The following TEX10 variants were observed in gnomAD, a reference collection of about 807,000 sequenced individuals.
The protein encoded by TEX10 is testis-expressed protein 10.
In TEX10, 24 loss-of-function variants were observed where a neutral mutation model predicts 104.4. That is an observed-to-expected ratio of 0.23 (90% CI 0.17 to 0.32). The LOEUF is 0.32. TEX10 is among the 10% of genes least tolerant of loss of function. The pLI is 1.00. For synonymous variants in TEX10, 396 were observed against 393.4 expected, an observed-to-expected ratio of 1.01 and a Z score of -0.08; for missense variants, 921 against 1,083.9, an observed-to-expected ratio of 0.85 and a Z score of 2.11.
rs150675934 is a variant in TEX10 at position 100,311,259 on chromosome 9, G to A, written c.2203-880C>T. ...AAAAAAAAAAAGTTGGCCAGATGTGGTAGCACATGCTTGTGGTACCAGCTA... is the reference window on the plus strand; with the variant it reads ...AAAAAAAAAAAGTTGGCCAGATGTGATAGCACATGCTTGTGGTACCAGCTA... On this transcript the variant is annotated intron_variant, in intron 11 of 14. Transcript: ENST00000374902. Among the ~76,000 whole-genome samples, 538 of 152,184 alleles carry A rather than the reference G, an allele frequency of 3.5e-3. 3 individuals are homozygous for A. Among genetic ancestry groups the A allele is most frequent in the African/African-American group, 0.012 (507 of 41,510 alleles).
chr9:100,351,499 G>A (rs986610848), intron 1 of TEX10, among the ~76,000 whole-genome samples: 2 of 152,032 alleles, frequency 1.3e-5, no homozygotes, highest in African/African-American at 4.8e-5. Flanking sequence ...AATTAAGCAA[G>A]CACACTTTGT....
At chr9:100,328,867 G>T (rs1416878735) in intron 7 of TEX10, among the ~76,000 whole-genome samples, 1 of 152,186 alleles carries the variant, frequency 6.6e-6, no homozygotes, top group East Asian at 1.9e-4. Context: ...AAGAGAAAGG[G>T]CTGAGGTTGT....
chr9:100,339,651 T>C (rs1354084429), intron 5 of TEX10, among the ~76,000 whole-genome samples: 5 of 152,108 alleles, frequency 3.3e-5, no homozygotes, highest in Admixed American at 6.6e-5. Context: ...TGTATGCTCA[T>C]TTACGGGAAC....
At position 100,346,095 on chromosome 9, in the gene TEX10, G is replaced by T; in HGVS notation, c.1114C>A (p.Gln372Lys). 6.2e-7 allele frequency: 1 copy of T among 1,613,794 alleles called. No homozygotes were observed. The highest frequency in any genetic ancestry group is 8.5e-7 in the Non-Finnish European group (1 of 1,179,836). Reference sequence around the variant, plus strand: ...ACCAATTTATGGGTTTCATCCTGTTGTTTAGAGAGTTTCCACAGAAGGGAA... The same window carrying T: ...ACCAATTTATGGGTTTCATCCTGTTTTTTAGAGAGTTTCCACAGAAGGGAA... ...IISLLWKLSK[Q>K]QDETHKLESW... The change falls in exon 4 of 15, where the codon CAA becomes AAA. Residue 372 changes from glutamine to lysine, a missense_variant. Gln to Lys is a moderately conservative substitution (Grantham distance 53, BLOSUM62 1). Coordinates refer to ENST00000374902, the MANE Select transcript of TEX10 (RefSeq NM_017746.4).
intron 2 of TEX10, among the ~76,000 whole-genome samples, chr9:100,347,732 G>GTA (rs761147840): frequency 2.6e-4 from 40 of 152,082 alleles, no homozygotes; most frequent in South Asian, 6.2e-4. Context: ...CATGGAAGGT[G>GTA]TATATATATA....
At chr9:100,335,985 T>C (rs1437874553) in intron 5 of TEX10, among the ~76,000 whole-genome samples, 1 of 151,804 alleles carries the variant, frequency 6.6e-6, no homozygotes. Flanking sequence ...CTGACCAACA[T>C]GGTGAAACCC....
intron 1 of TEX10, chr9:100,352,406 G>A: frequency 6.4e-7 from 1 of 1,551,770 alleles, no homozygotes; most frequent in Non-Finnish European, 8.7e-7. Context: ...ATCCATCCCA[G>A]AGGCGAACAC....
intron 12 of TEX10, among the ~76,000 whole-genome samples, chr9:100,309,612 C>CAAGGGAAGTAACATTT (rs1211106521): frequency 1.3e-5 from 2 of 152,216 alleles, no homozygotes; most frequent in Non-Finnish European, 2.9e-5. Context: ...GCAGTACTCT[C>CAAGGGAAGTAACATTT]TTCCAACTCA....
chr9:100,338,271 A>G (rs1313311723), intron 5 of TEX10, among the ~76,000 whole-genome samples: 1 of 151,974 alleles, frequency 6.6e-6, no homozygotes, highest in Non-Finnish European at 1.5e-5. Flanking sequence ...GCCATAGCAG[A>G]CTCCAGTTTG....
intron 1 of TEX10, 108 bp downstream of exon 1, chr9:100,352,664 T>C (rs955824655): frequency 1.4e-6 from 2 of 1,416,378 alleles, no homozygotes; most frequent in African/African-American, 1.5e-5. Flanking sequence ...ACGCAAATCG[T>C]GCACGGCCGA....
At chr9:100,328,264 C>T (rs543894116) in intron 7 of TEX10, among the ~76,000 whole-genome samples, 7 of 152,268 alleles carry the variant, frequency 4.6e-5, no homozygotes, top group South Asian at 2.1e-4. Flanking sequence ...AACAAATGTA[C>T]ACATTCACCA....
rs76134639 is a variant in TEX10 at position 100,303,576 on chromosome 9, G to A, written c.2676+56C>T. On this transcript the variant is annotated intron_variant, in intron 14 of 14. Coordinates refer to ENST00000374902, the MANE Select transcript of TEX10 (RefSeq NM_017746.4). Reference sequence around the variant, plus strand: ...AAAACACACTTTCCCCCATGCCCCCGTCATAAATTCATTCTTATGCTAATA... The same window carrying A: ...AAAACACACTTTCCCCCATGCCCCCATCATAAATTCATTCTTATGCTAATA... 2.5e-3 allele frequency: 3,956 copies of A among 1,585,152 alleles called. 87 individuals carry two copies. In the African/African-American group the frequency reaches 0.046, roughly 19 times the overall value.
intron 5 of TEX10, 102 bp from the exon 6 acceptor site, chr9:100,330,271 T>G: frequency 1.1e-6 from 1 of 931,426 alleles, no homozygotes; most frequent in Non-Finnish European, 1.6e-6. Flanking sequence ...AAAAATTCCC[T>G]TCTAGAATTA....
chr9:100,302,230 C>G lies in TEX10; in HGVS notation c.2751G>C (p.Gly917=). ...CCAGTGCACTGGGCCCTTGGGGATGCCCAGTGATATACACGTTGAAGCAGT... is the reference window on the plus strand; with the variant it reads ...CCAGTGCACTGGGCCCTTGGGGATGGCCAGTGATATACACGTTGAAGCAGT... ...LHYCFNVYIT[G]HPQGPSALAT... is the part of the protein sequence containing the mutation. The change falls in exon 15 of 15, where the codon GGG becomes GGC. Residue 917 remains glycine, a synonymous_variant. Coordinates refer to ENST00000374902, the MANE Select transcript of TEX10 (RefSeq NM_017746.4). 1 of 1,612,760 alleles carries G rather than the reference C, an allele frequency of 6.2e-7. No individual in the cohort carries two copies. The highest frequency in any genetic ancestry group is 8.5e-7 in the Non-Finnish European group (1 of 1,179,200).
At chr9:100,311,042 AT>A (rs1834267807) in intron 11 of TEX10, among the ~76,000 whole-genome samples, 1 of 152,182 alleles carries the variant, frequency 6.6e-6, no homozygotes, top group Non-Finnish European at 1.5e-5. Context: ...CTCGGAAACT[AT>A]GACTTTAAGC....
At chr9:100,309,803 TA>T (rs1834228264) in intron 12 of TEX10, among the ~76,000 whole-genome samples, 1 of 152,192 alleles carries the variant, frequency 6.6e-6, no homozygotes, top group Non-Finnish European at 1.5e-5. Flanking sequence ...GAGGTATATC[TA>T]ATGTGAATTT....
intron 5 of TEX10, among the ~76,000 whole-genome samples, chr9:100,333,960 C>G (rs1302452743): frequency 1.3e-5 from 2 of 151,918 alleles, no homozygotes. Flanking sequence ...TTATGTTTGA[C>G]TACAACTGAA....
At chr9:100,329,371 T>G (rs945851622) in intron 6 of TEX10, 96 bp from the exon 7 acceptor site, 1 of 1,450,570 alleles carries the variant, frequency 6.9e-7, no homozygotes, top group Non-Finnish European at 9.3e-7. Flanking sequence ...ACTTTCTTCC[T>G]ATGGCAAAGC....
chr9:100,310,261 G>A (rs756319344), intron 12 of TEX10, 38 bp downstream of exon 12: 2 of 1,544,382 alleles, frequency 1.3e-6, no homozygotes, highest in African/African-American at 1.4e-5. Context: ...AATGCATCCT[G>A]TGTTCATTCT....
Sources: allele counts gnomAD v4.1 joint callset (sites outside exome capture counted in the v4.1 genomes callset), GRCh38; gene constraint gnomAD v4.1.1; transcripts MANE v1.5; gene names NCBI Gene and HGNC (gene_info 2026-07-23, HGNC 2026-07-21).